Variants in KYNU observed in about 807,000 individuals in gnomAD.
The protein encoded by KYNU is L-kynurenine hydrolase.
KYNU carries 54 observed loss-of-function variants against 59.2 expected under a neutral mutation model. The ratio of observed to expected loss-of-function variants is 0.91; its 90% confidence interval spans 0.73 to 1.14. The LOEUF is 1.14. KYNU is among the 50% of genes most tolerant of loss of function. KYNU has a pLI of 0.00. For synonymous variants in KYNU, 177 were observed against 192.0 expected (o/e 0.92, Z 0.65); for missense variants, 567 against 554.4 (o/e 1.02, Z -0.23).
intron 4 of KYNU, among the ~76,000 whole-genome samples, chr2:142,942,621 GGC>G (rs1402551662): frequency 1.3e-5 from 2 of 152,156 alleles, no homozygotes; most frequent in African/African-American, 4.8e-5. Flanking sequence ...TCAACTGAGG[GGC>G]GTAAGGCAGG....
intron 8 of KYNU, among the ~76,000 whole-genome samples, chr2:142,974,026 A>G (rs539198171): frequency 2.0e-5 from 3 of 152,320 alleles, no homozygotes; most frequent in Non-Finnish European, 2.9e-5. Flanking sequence ...AAGTTGCCCA[A>G]AACCACAAAC....
intron 2 of KYNU, among the ~76,000 whole-genome samples, chr2:142,887,698 G>C (rs1458442758): frequency 2.6e-5 from 4 of 152,134 alleles, no homozygotes; most frequent in African/African-American, 4.8e-5. Flanking sequence ...ATTATACCAA[G>C]TATCTAGATT....
At chr2:142,942,713 A>T (rs1027421411) in intron 4 of KYNU, among the ~76,000 whole-genome samples, 2 of 152,204 alleles carry the variant, frequency 1.3e-5, no homozygotes, top group Non-Finnish European at 2.9e-5. Context: ...AGTAAAGTAT[A>T]CTTGAAAGGG....
At chr2:143,026,649 C>G (rs1431322766) in intron 10 of KYNU, among the ~76,000 whole-genome samples, 1 of 152,246 alleles carries the variant, frequency 6.6e-6, no homozygotes, top group Non-Finnish European at 1.5e-5. Context: ...GGATTGAACT[C>G]CATGCAGGCC....
At chr2:142,995,101 T>C (rs1469846789) in intron 10 of KYNU, among the ~76,000 whole-genome samples, 1 of 152,066 alleles carries the variant, frequency 6.6e-6, no homozygotes, top group Non-Finnish European at 1.5e-5. Context: ...AAAGGATTAT[T>C]TTACCAATAT....
intron 8 of KYNU, among the ~76,000 whole-genome samples, chr2:142,961,086 G>A (rs567418249): frequency 4.0e-4 from 61 of 151,500 alleles, no homozygotes; most frequent in Non-Finnish European, 7.1e-4. Flanking sequence ...CCAGCTATTC[G>A]GGAGGCTGAG....
intron 8 of KYNU, among the ~76,000 whole-genome samples, chr2:142,970,128 C>T (rs1309308740): frequency 1.3e-5 from 2 of 152,194 alleles, no homozygotes; most frequent in African/African-American, 4.8e-5. Context: ...TTCTTCCACA[C>T]CATTCTCTGA....
At chr2:142,969,662 A>T (rs139705531) in intron 8 of KYNU, among the ~76,000 whole-genome samples, 1 of 152,330 alleles carries the variant, frequency 6.6e-6, no homozygotes, top group East Asian at 1.9e-4. Flanking sequence ...AGATGTTGTT[A>T]TAGGATTACA....
chr2:142,975,346 C>T (rs1684852928), intron 8 of KYNU, among the ~76,000 whole-genome samples: 1 of 152,160 alleles, frequency 6.6e-6, no homozygotes, highest in Non-Finnish European at 1.5e-5. Context: ...ATCCCCTTTC[C>T]AGTTCCTCAT....
rs559147097 is a variant in KYNU at position 143,035,272 on chromosome 2, C to A, written c.1041+1951C>A. ...TCTAAACTTAAAACCCTAAAAGCCA[C>A]AAGAAGAATGATATGCATTTCTCTG... On this transcript the variant is annotated intron_variant, in intron 12 of 13. Transcript: ENST00000264170. 6.6e-5 allele frequency among the ~76,000 whole-genome samples: 10 copies of A among 152,290 alleles called. 1 individual carries two copies. Among genetic ancestry groups the A allele is most frequent in the African/African-American group, 2.2e-4 (9 of 41,574 alleles).
In KYNU at chr2:143,029,651, A is replaced by G; in HGVS notation, c.927A>G (p.Glu309=). 4.4e-6 allele frequency: 7 copies of G among 1,596,100 alleles called. No individual in the cohort carries two copies. Among genetic ancestry groups the G allele is most frequent in the Non-Finnish European group, 6.0e-6 (7 of 1,163,620 alleles). ...KPALVGWFGH[E]LSTRFKMDNK... is the part of the protein sequence containing the mutation. The stretch of plus-strand genomic sequence containing the variant: ...GATTAGTGGGATGGTTTGGCCATGA[A>G]CTCAGCACCAGATTTAAGATGGATA... The change falls in exon 11 of 14, where the codon GAA becomes GAG. Residue 309 remains glutamate, a synonymous_variant. Coordinates refer to ENST00000264170, the MANE Select transcript of KYNU (RefSeq NM_003937.3).
chr2:143,005,921 C>G (rs577871777), intron 10 of KYNU, among the ~76,000 whole-genome samples: 1 of 152,048 alleles, frequency 6.6e-6, no homozygotes, highest in Non-Finnish European at 1.5e-5. Context: ...TGCTGTGTTC[C>G]AACAATCCAT....
chr2:142,996,679 G>A (rs1685555418), intron 10 of KYNU, among the ~76,000 whole-genome samples: 2 of 152,140 alleles, frequency 1.3e-5, no homozygotes, highest in South Asian at 2.1e-4. Context: ...TTTTCCACAT[G>A]TGCCAGTCAG....
At chr2:142,896,535 T>C (rs1352147852) in intron 2 of KYNU, among the ~76,000 whole-genome samples, 1 of 152,060 alleles carries the variant, frequency 6.6e-6, no homozygotes, top group African/African-American at 2.4e-5. Context: ...TTTTGGAGCT[T>C]TTTGTTTTTT....
chr2:142,948,707 CAT>C (rs1683882234), intron 4 of KYNU, among the ~76,000 whole-genome samples: 2 of 152,186 alleles, frequency 1.3e-5, no homozygotes, highest in Non-Finnish European at 2.9e-5. Context: ...CCTCCCACAA[CAT>C]GTGGGAATTC....
chr2:142,960,592 A>T, intron 7 of KYNU, 32 bp from the exon 8 acceptor site: 1 of 1,594,818 alleles, frequency 6.3e-7, no homozygotes, highest in Non-Finnish European at 8.6e-7. Context: ...ATTATTATCG[A>T]TATGACCTAA....
intron 12 of KYNU, 62 bp from the exon 13 acceptor site, chr2:143,040,366 T>C: frequency 8.5e-7 from 1 of 1,173,016 alleles, no homozygotes; most frequent in Non-Finnish European, 1.3e-6. Flanking sequence ...TGATTTACTC[T>C]TAATTTTTGC....
chr2:142,993,880 T>C lies in KYNU; in HGVS notation c.902+7859T>C, dbSNP rs193014642. The stretch of plus-strand genomic sequence containing the variant: ...TCGCTACTCTCAGATAATGATGAAA[T>C]AGTCATTAATTTGAGAACACTGAAG... On this transcript the variant is annotated intron_variant, in intron 10 of 13. Transcript: ENST00000264170. Among the ~76,000 whole-genome samples, 76 of 152,108 alleles carry C rather than the reference T, an allele frequency of 5.0e-4. No individual in the cohort carries two copies. The East Asian group carries it at 0.012, about 23-fold the overall frequency.
intron 10 of KYNU, among the ~76,000 whole-genome samples, chr2:143,021,530 T>A (rs751422988): frequency 2.4e-4 from 36 of 152,122 alleles, no homozygotes; most frequent in Non-Finnish European, 4.9e-4. Flanking sequence ...GGAATCTGCT[T>A]GGCTTTTGTA....
Sources: allele counts gnomAD v4.1 joint callset (sites outside exome capture counted in the v4.1 genomes callset), GRCh38; gene constraint gnomAD v4.1.1; transcripts MANE v1.5; gene names NCBI Gene and HGNC (gene_info 2026-07-23, HGNC 2026-07-21).